NR5A2: variants seen among roughly 807,000 people sequenced by gnomAD.
NR5A2 encodes the protein CYP7A promoter-binding factor.
A neutral mutation model predicts 62.7 loss-of-function variants in NR5A2; 26 were observed. The observed-to-expected ratio is 0.41, with a 90% CI of 0.30 to 0.58. The LOEUF (loss-of-function observed/expected upper bound fraction) is 0.58, where lower values mean the gene tolerates loss of function less well. Among genes scored for constraint, NR5A2 ranks in the 20% least tolerant of loss-of-function variants. The pLI, the probability that NR5A2 is intolerant of heterozygous loss-of-function variation, is 0.22. For synonymous variants in NR5A2, 246 were observed against 241.7 expected (o/e 1.02, Z -0.16); for missense variants, 541 against 669.1 (o/e 0.81, Z 2.11).
Position 200,048,964 on chromosome 1 carries a change from C to A in NR5A2, c.1110+146C>A. ...TACAGAGTAGACGTAATTTTATTAC[C>A]TTGACTTCAGGACTGTGGCAGCTTA... is the stretch of plus-strand genomic sequence containing the variant. On this transcript the variant is annotated intron_variant, in intron 5 of 7. Coordinates refer to ENST00000367362, the MANE Select transcript of NR5A2 (RefSeq NM_205860.3). This position sits in a 1 kb window ranked among gnomAD's most constrained non-coding sequence, Gnocchi z 4.8. 1 of 1,059,978 alleles carries A rather than the reference C, an allele frequency of 9.4e-7. No homozygotes were observed. The highest frequency in any genetic ancestry group is 1.3e-6 in the Non-Finnish European group (1 of 744,272). The allele number at this position is 1,059,978 out of a possible 1,614,324, so 65.7% of individuals were successfully genotyped here. A position where few individuals can be genotyped will look rare whatever the true frequency, so the allele number is the denominator to read the frequency against.
chr1:200,081,035 A>C (rs1357429511), intron 5 of NR5A2, among the ~76,000 whole-genome samples: 2 of 152,236 alleles, frequency 1.3e-5, no homozygotes, highest in Non-Finnish European at 2.9e-5. Context: ...CTGCAAGAAG[A>C]TATTTAATAA....
At chr1:200,066,840 G>A (rs538657009) in intron 5 of NR5A2, among the ~76,000 whole-genome samples, 2 of 152,120 alleles carry the variant, frequency 1.3e-5, no homozygotes, top group South Asian at 2.1e-4. Context: ...TGCCCACCTC[G>A]GCCTCGGGAT....
intron 7 of NR5A2, among the ~76,000 whole-genome samples, chr1:200,133,609 A>G (rs1461518280): frequency 1.0e-5 from 1 of 97,682 alleles, no homozygotes; most frequent in Non-Finnish European, 2.2e-5. Context: ...ATACACATAT[A>G]TACACACACA....
Position 200,176,172 on chromosome 1 carries a change from T to TTGTA in NR5A2, c.*1963_*1966dup, listed in dbSNP as rs1388807263. 1.4e-4 allele frequency: 22 copies of TTGTA among 152,790 alleles called. No homozygotes were observed. The East Asian group carries it at 4.0e-3, about 28-fold the overall frequency. The allele number at this position is 152,790 out of a possible 1,614,324, so 9.5% of individuals were successfully genotyped here. On this transcript the variant is annotated 3_prime_UTR_variant, in exon 8 of 8. Coordinates refer to ENST00000367362, the MANE Select transcript of NR5A2 (RefSeq NM_205860.3). ...TAATATCTATTGTAAATTATGTGAC[T>TTGTA]TGTAGCTTCCTCTGGTTTTCAAGTA...
At chr1:200,061,254 G>A (rs977798386) in intron 5 of NR5A2, among the ~76,000 whole-genome samples, 8 of 150,472 alleles carry the variant, frequency 5.3e-5, no homozygotes, top group Non-Finnish European at 8.8e-5. Context: ...GTCACTCAGA[G>A]TGCACAACAT....
chr1:200,174,265 G>C lies in NR5A2; in HGVS notation c.*55G>C, dbSNP rs1247384193. 1 of 1,460,242 alleles carries C rather than the reference G, an allele frequency of 6.8e-7. No homozygotes were observed. Among genetic ancestry groups the C allele is most frequent in the African/African-American group, 1.4e-5 (1 of 70,104 alleles). 90.5% of individuals were successfully genotyped at this position (1,460,242 alleles called of 1,614,324 possible). A position where few individuals can be genotyped will look rare whatever the true frequency, so the allele number is the denominator to read the frequency against. ...AACAAAAAGAGATTGGGGGAGTGGGGAGGGGGAAGAAGAACAGGAAGAAAA... is the reference window on the plus strand; with the variant it reads ...AACAAAAAGAGATTGGGGGAGTGGGCAGGGGGAAGAAGAACAGGAAGAAAA... On this transcript the variant is annotated 3_prime_UTR_variant, in exon 8 of 8. Coordinates refer to ENST00000367362, the MANE Select transcript of NR5A2 (RefSeq NM_205860.3).
intron 6 of NR5A2, among the ~76,000 whole-genome samples, chr1:200,116,342 A>G (rs959227619): frequency 6.6e-6 from 1 of 152,216 alleles, no homozygotes; most frequent in Non-Finnish European, 1.5e-5. Flanking sequence ...AATTTGTCAT[A>G]GCAGAGAAAA....
intron 7 of NR5A2, among the ~76,000 whole-genome samples, chr1:200,124,686 C>G (rs935399023): frequency 3.9e-5 from 6 of 152,118 alleles, no homozygotes; most frequent in African/African-American, 7.2e-5. Flanking sequence ...CACCTGTAAT[C>G]TCACCACTTT....
At chr1:200,038,673 C>T (rs1331102602) in intron 1 of NR5A2, 18 of 1,361,990 alleles carry the variant, frequency 1.3e-5, no homozygotes, top group Non-Finnish European at 1.6e-5. Context: ...CACCCGCGCC[C>T]CCATCCCTTC....
At chr1:200,029,880 A>G (rs1050165362) in intron 1 of NR5A2, among the ~76,000 whole-genome samples, 7 of 152,128 alleles carry the variant, frequency 4.6e-5, no homozygotes, top group African/African-American at 1.7e-4. Flanking sequence ...CGGCTGTGGC[A>G]CCGGGAGACA....
intron 7 of NR5A2, among the ~76,000 whole-genome samples, chr1:200,154,955 G>A (rs947480229): frequency 1.3e-5 from 2 of 152,224 alleles, no homozygotes; most frequent in African/African-American, 2.4e-5. Context: ...AGCCTCCAAG[G>A]AGGGGTGGTT....
chr1:200,118,360 G>C (rs1014906712), intron 6 of NR5A2, among the ~76,000 whole-genome samples: 109 of 152,288 alleles, frequency 7.2e-4, no homozygotes, highest in African/African-American at 2.3e-3. Context: ...TATATATTAA[G>C]CTACAGCTAC....
At chr1:200,107,709 G>A (rs1422769185) in intron 5 of NR5A2, among the ~76,000 whole-genome samples, 2 of 152,008 alleles carry the variant, frequency 1.3e-5, no homozygotes, top group Non-Finnish European at 1.5e-5. Context: ...ACACGATCTC[G>A]GCTCACTGCA....
chr1:200,153,555 G>A (rs149095630), intron 7 of NR5A2, among the ~76,000 whole-genome samples: 13 of 152,048 alleles, frequency 8.5e-5, no homozygotes, highest in African/African-American at 3.1e-4. Flanking sequence ...AAAATGATGG[G>A]GAAATCCAGA....
At chr1:200,093,894 C>T (rs1558133607) in intron 5 of NR5A2, among the ~76,000 whole-genome samples, 1 of 152,182 alleles carries the variant, frequency 6.6e-6, no homozygotes, top group Admixed American at 6.5e-5. Context: ...CAGTGGCCCA[C>T]GCCTGTAATC....
rs150722139 is a variant in NR5A2 at position 200,039,746 on chromosome 1, A to G, written c.153A>G (p.Gly51=). 1.9e-6 allele frequency: 3 copies of G among 1,610,794 alleles called. No individual in the cohort carries two copies. The African/African-American group carries it at 4.0e-5, about 22-fold the overall frequency. The part of the protein sequence containing the change: ...MLPKVETEAL[G]LARSHGEQGQ... ...CCAAAGTGGAGACGGAAGCCCTGGG[A>G]CTGGCTCGATCGCATGGGGAACAGG... Residue 51 remains glycine, a synonymous_variant, in exon 2 of 8, where the codon GGA becomes GGG. Transcript: ENST00000367362. The surrounding 1 kb of genome is among the most constrained non-coding windows in gnomAD (Gnocchi z 5.1).
intron 5 of NR5A2, among the ~76,000 whole-genome samples, chr1:200,066,392 T>C (rs1343500535): frequency 6.6e-6 from 1 of 152,104 alleles, no homozygotes; most frequent in East Asian, 1.9e-4. Context: ...AAAACTTCCC[T>C]AAACAGATAG....
At chr1:200,129,715 G>T (rs1304117543) in intron 7 of NR5A2, among the ~76,000 whole-genome samples, 1 of 152,204 alleles carries the variant, frequency 6.6e-6, no homozygotes, top group Non-Finnish European at 1.5e-5. Context: ...ATGTCAGTGT[G>T]ACATTGTGGT....
chr1:200,157,622 A>G (rs763781876), intron 7 of NR5A2, among the ~76,000 whole-genome samples: 95 of 152,354 alleles, frequency 6.2e-4, no homozygotes, highest in Admixed American at 2.0e-3. Flanking sequence ...AATTGGAAAT[A>G]TGGATTTTCT....
Sources: gnomAD v4.1 joint callset for allele counts (sites outside exome capture counted in the v4.1 genomes callset) on GRCh38, gnomAD v4.1.1 for gene constraint, Gnocchi (gnomAD v3.1) non-coding constraint, MANE v1.5 for transcripts, NCBI Gene and HGNC (gene_info 2026-07-23, HGNC 2026-07-21) for gene names.